Variants in SFXN4 observed in about 807,000 individuals in gnomAD.
SFXN4 encodes sideroflexin-4.
A neutral mutation model predicts 54.6 loss-of-function variants in SFXN4; 48 were observed. That is an observed-to-expected ratio of 0.88 (90% CI 0.70 to 1.12). SFXN4 has a LOEUF of 1.12. SFXN4 is among the 50% of genes most tolerant of loss of function. The pLI is 0.00. For synonymous variants in SFXN4, 130 were observed against 145.5 expected (o/e 0.89, Z 0.77); for missense variants, 383 against 409.2 (o/e 0.94, Z 0.55).
intron 11 of SFXN4, among the ~76,000 whole-genome samples, chr10:119,152,112 T>C (rs1847094150): frequency 6.6e-6 from 1 of 152,106 alleles, no homozygotes; most frequent in African/African-American, 2.4e-5. Context: ...CATGCCTGGC[T>C]GCACAACTGT....
In SFXN4 at chr10:119,158,023, C is replaced by T. The variant is rs375352357; in HGVS notation, c.400G>A (p.Val134Met). The T allele has an allele frequency of 3.7e-6, 6 of 1,614,038 alleles. No homozygotes were observed. The highest frequency in any genetic ancestry group is 2.7e-5 in the African/African-American group (2 of 74,930). The change falls in exon 7 of 14, where the codon GTG (valine) becomes ATG (methionine). Residue 134 changes from valine (V) to methionine (M), a missense_variant. Transcript: ENST00000355697. ...AGAATGGCTACCTGAGGTAAAATCA[C>T]GGACTTGATCCCTTTCAGTGGCGTC... ...SMTPLKGIKS[V>M]ILPQVFLCAY...
intron 5 of SFXN4, among the ~76,000 whole-genome samples, chr10:119,160,493 G>A: frequency 7.0e-6 from 1 of 143,012 alleles, no homozygotes; most frequent in African/African-American, 2.6e-5. Flanking sequence ...TCCAGCCTAG[G>A]TGACAGAGCA....
At chr10:119,152,256 G>A (rs1282024311) in intron 11 of SFXN4, among the ~76,000 whole-genome samples, 4 of 150,590 alleles carry the variant, frequency 2.7e-5, no homozygotes, top group South Asian at 2.1e-4. Context: ...AGGGGAAAGC[G>A]CAAATGCAGT....
chr10:119,146,636 T>C (rs1037033208), intron 12 of SFXN4, among the ~76,000 whole-genome samples: 3 of 152,256 alleles, frequency 2.0e-5, no homozygotes, highest in African/African-American at 7.2e-5. Flanking sequence ...TGGTGCCATC[T>C]TGGTTCACTG....
At chr10:119,157,639 A>G (rs1427851163) in intron 9 of SFXN4, 29 bp downstream of exon 9, 28 of 1,527,388 alleles carry the variant, frequency 1.8e-5, no homozygotes, top group Non-Finnish European at 2.4e-5. Flanking sequence ...AGGAATAAAG[A>G]AGATTTGACA....
intron 13 of SFXN4, among the ~76,000 whole-genome samples, chr10:119,144,641 G>C (rs1846712412): frequency 6.6e-6 from 1 of 152,048 alleles, no homozygotes; most frequent in African/African-American, 2.4e-5. Context: ...CTCTTTAACA[G>C]ATAAGAAAAC....
At chr10:119,143,762 C>T (rs1846660578) in intron 13 of SFXN4, among the ~76,000 whole-genome samples, 1 of 152,130 alleles carries the variant, frequency 6.6e-6, no homozygotes, top group Non-Finnish European at 1.5e-5. Context: ...CAGGCATGAG[C>T]CACAGCACCC....
intron 5 of SFXN4, 104 bp from the exon 6 acceptor site, chr10:119,159,857 A>G: frequency 8.1e-7 from 1 of 1,235,076 alleles, no homozygotes; most frequent in Non-Finnish European, 1.2e-6. Flanking sequence ...AGCTTCCAGA[A>G]GGCACAGACC....
intron 10 of SFXN4, among the ~76,000 whole-genome samples, 179 bp downstream of exon 10, chr10:119,156,499 A>G (rs942129835): frequency 1.8e-4 from 28 of 152,206 alleles, no homozygotes; most frequent in African/African-American, 6.0e-4. Context: ...GTATCTACAG[A>G]AAGTGTCACC....
At chr10:119,165,306 G>A (rs921923454) in intron 1 of SFXN4, 41 of 1,256,328 alleles carry the variant, frequency 3.3e-5, no homozygotes, top group African/African-American at 9.5e-5. Flanking sequence ...GGGCAATCTG[G>A]AGGGTGACGT....
intron 2 of SFXN4, 34 bp from the exon 3 acceptor site, chr10:119,162,448 C>G (rs1450705597): frequency 5.8e-6 from 9 of 1,556,010 alleles, no homozygotes; most frequent in Non-Finnish European, 8.0e-6. Context: ...AAGTAATGAT[C>G]TCAACATTGT....
chr10:119,155,993 G>A (rs990084937), intron 10 of SFXN4, among the ~76,000 whole-genome samples: 3 of 152,140 alleles, frequency 2.0e-5, no homozygotes, highest in African/African-American at 7.2e-5. Flanking sequence ...TTTGCTTGCT[G>A]TGTAACTCTA....
intron 1 of SFXN4, chr10:119,165,203 A>G: frequency 9.4e-7 from 1 of 1,063,240 alleles, no homozygotes; most frequent in African/African-American, 1.7e-5. Context: ...TGAGCTTACC[A>G]AGGTGCGAGA....
chr10:119,157,629 A>T (rs779818555), intron 9 of SFXN4, 39 bp downstream of exon 9: 2 of 1,465,758 alleles, frequency 1.4e-6, no homozygotes, highest in Non-Finnish European at 1.9e-6. Flanking sequence ...CTGGATTCTG[A>T]GGAATAAAGA....
chr10:119,162,451 A>C, intron 2 of SFXN4, 37 bp from the exon 3 acceptor site: 26 of 1,548,754 alleles, frequency 1.7e-5, no homozygotes, highest in Non-Finnish European at 2.3e-5. Context: ...TAATGATCTC[A>C]ACATTGTTCA....
chr10:119,165,135 G>T, intron 1 of SFXN4: 2 of 901,930 alleles, frequency 2.2e-6, no homozygotes, highest in Non-Finnish European at 1.3e-6. Context: ...GATAAGTCCT[G>T]CTTATGTCCT....
At chr10:119,158,827 A>T (rs111472230) in intron 6 of SFXN4, among the ~76,000 whole-genome samples, 4 of 152,168 alleles carry the variant, frequency 2.6e-5, no homozygotes, top group South Asian at 2.1e-4. Flanking sequence ...TGGTAAAAAT[A>T]AAAAAATTAG....
At chr10:119,145,425 C>T (rs545533544) in intron 13 of SFXN4, among the ~76,000 whole-genome samples, 1 of 151,630 alleles carries the variant, frequency 6.6e-6, no homozygotes, top group East Asian at 1.9e-4. Context: ...AGCGATTCTC[C>T]TGCCTCAGCC....
At chr10:119,142,462 G>T (rs1230679889) in intron 13 of SFXN4, among the ~76,000 whole-genome samples, 4 of 151,348 alleles carry the variant, frequency 2.6e-5, no homozygotes, top group South Asian at 4.2e-4. Flanking sequence ...CTATGTCATT[G>T]TCACACCTAA....
Sources: allele counts gnomAD v4.1 joint callset (sites outside exome capture counted in the v4.1 genomes callset), GRCh38; gene constraint gnomAD v4.1.1; transcripts MANE v1.5; gene names NCBI Gene and HGNC (gene_info 2026-07-23, HGNC 2026-07-21).